Variants in MOSMO observed in about 807,000 individuals in gnomAD.
MOSMO encodes modulator of smoothened protein.
MOSMO carries 5 observed loss-of-function variants against 18.4 expected under a neutral mutation model. The ratio of observed to expected loss-of-function variants is 0.27; its 90% confidence interval spans 0.14 to 0.57. The LOEUF (loss-of-function observed/expected upper bound fraction) is 0.57. Ranked by LOEUF, MOSMO falls within the 20% of genes least tolerant of loss-of-function variation. The pLI is 0.92. For missense variants in MOSMO, 138 were observed against 211.8 expected (o/e 0.65, Z 2.16); for synonymous variants, 82 against 82.3 (o/e 1.00, Z 0.02).
At chr16:22,058,357 C>A (rs751537635) in intron 1 of MOSMO, among the ~76,000 whole-genome samples, 1 of 145,676 alleles carries the variant, frequency 6.9e-6, no homozygotes, top group African/African-American at 2.5e-5. Flanking sequence ...ATCCAGGAGG[C>A]GGAGGTTGCA....
At chr16:22,058,383 G>A (rs958579321) in intron 1 of MOSMO, among the ~76,000 whole-genome samples, 1 of 147,710 alleles carries the variant, frequency 6.8e-6, no homozygotes, top group Admixed American at 6.9e-5. Flanking sequence ...CCGAGATCGC[G>A]CCACTGCTCT....
Position 22,057,679 on chromosome 16 carries a change from T to C in MOSMO, c.107-17808T>C, listed in dbSNP as rs146547033. On this transcript the variant is annotated intron_variant, in intron 1 of 2. Coordinates refer to ENST00000542527, the MANE Select transcript of MOSMO (RefSeq NM_001164579.2). ...ATACTGGCCATATAGAGAACTTATC[T>C]AGCAGTTAACAGACAACAAAAAAAT... Among the ~76,000 whole-genome samples the C allele has an allele frequency of 1.5e-3, 227 of 152,328 alleles. 1 individual carries two copies. Among genetic ancestry groups the C allele is most frequent in the African/African-American group, 5.3e-3 (221 of 41,564 alleles).
intron 1 of MOSMO, among the ~76,000 whole-genome samples, chr16:22,042,760 C>T (rs796992481): frequency 1.3e-4 from 20 of 152,306 alleles, no homozygotes; most frequent in African/African-American, 4.6e-4. Context: ...TCTCCAGGCT[C>T]GCAAAAACGG....
At chr16:22,090,349 T>G (rs1030229647), downstream of MOSMO, 1 of 152,176 alleles carries the variant, frequency 6.6e-6, no homozygotes, top group African/African-American at 2.4e-5. Flanking sequence ...TTTAAGCAAA[T>G]AAATTCTTTT....
In MOSMO at chr16:22,081,443, T is replaced by G. The variant is rs1035643787; in HGVS notation, c.*563T>G. On this transcript the variant is annotated 3_prime_UTR_variant, in exon 3 of 3. Coordinates refer to ENST00000542527, the MANE Select transcript of MOSMO (RefSeq NM_001164579.2). ...CACCAAGAAGCCAATAGATCAAAAC[T>G]TGTTTGCTAAAATGTATGTAAAAAT... The G allele has an allele frequency of 6.0e-5, 9 of 149,546 alleles. No homozygotes were observed. The highest frequency in any genetic ancestry group is 2.0e-4 in the African/African-American group (8 of 40,518). 9.3% of individuals were successfully genotyped at this position (149,546 alleles called of 1,614,324 possible). A position where few individuals can be genotyped will look rare whatever the true frequency, so the allele number is the denominator to read the frequency against.
At chr16:22,018,017 C>T (rs1418627733) in intron 1 of MOSMO, among the ~76,000 whole-genome samples, 1 of 152,000 alleles carries the variant, frequency 6.6e-6, no homozygotes, top group African/African-American at 2.4e-5. Flanking sequence ...TTGAAGCAAA[C>T]TGACAAATCT....
intron 1 of MOSMO, among the ~76,000 whole-genome samples, chr16:22,054,070 A>G (rs549472170): frequency 2.0e-5 from 3 of 150,792 alleles, no homozygotes; most frequent in Admixed American, 1.3e-4. Context: ...GCCAAACCAT[A>G]TAAGAAATAA....
chr16:22,034,751 T>G (rs1291919412), intron 1 of MOSMO, among the ~76,000 whole-genome samples: 2 of 138,414 alleles, frequency 1.4e-5, no homozygotes, highest in African/African-American at 5.4e-5. Context: ...TGGGTTTTTT[T>G]TTTTTTTTTT....
intron 1 of MOSMO, among the ~76,000 whole-genome samples, chr16:22,008,709 G>A (rs1899448185): frequency 6.7e-6 from 1 of 149,616 alleles, no homozygotes; most frequent in Non-Finnish European, 1.5e-5. Context: ...GCCCTCCGAT[G>A]TGAGGGATCG....
At chr16:22,069,305 G>T (rs926627917) in intron 1 of MOSMO, among the ~76,000 whole-genome samples, 5 of 152,074 alleles carry the variant, frequency 3.3e-5, no homozygotes, top group Admixed American at 2.6e-4. Context: ...ATATGAATTA[G>T]GAATTAATCT....
At chr16:22,088,247 G>A (rs1043429918), downstream of MOSMO, among the ~76,000 whole-genome samples, 1 of 152,066 alleles carries the variant, frequency 6.6e-6, no homozygotes, top group African/African-American at 2.4e-5. Context: ...GACCAGGGTC[G>A]TCTCCCAGTC....
chr16:22,051,577 TC>T (rs1331478875), intron 1 of MOSMO, among the ~76,000 whole-genome samples: 2 of 152,044 alleles, frequency 1.3e-5, no homozygotes, highest in Non-Finnish European at 2.9e-5. Context: ...CCATGCCCCT[TC>T]CCCCATACCT....
intron 1 of MOSMO, among the ~76,000 whole-genome samples, chr16:22,033,063 C>CA (rs1210606226): frequency 5.3e-5 from 8 of 152,168 alleles, no homozygotes; most frequent in Non-Finnish European, 1.2e-4. Flanking sequence ...ACCAGTGCTA[C>CA]ATTATCTTGA....
At position 22,028,369 on chromosome 16, in the gene MOSMO, T is replaced by TG. The variant is rs58661549; in HGVS notation, c.106+19962_106+19963insG. ...TTGAAAAGAGAGGATCTTTTTTATGTTTTTTTTTTTTAATTTTGATAAAAT... is the reference window on the plus strand; with the variant it reads ...TTGAAAAGAGAGGATCTTTTTTATGTGTTTTTTTTTTTAATTTTGATAAAAT... On this transcript the variant is annotated intron_variant, in intron 1 of 2. Coordinates refer to ENST00000542527, the MANE Select transcript of MOSMO (RefSeq NM_001164579.2). Among the ~76,000 whole-genome samples the TG allele has an allele frequency of 0.022, 891 of 40,170 alleles. 9 individuals are homozygous for TG. The African/African-American group carries it at 0.32, about 15-fold the overall frequency. The allele number at this position is 40,170 out of a possible 152,430, so 26.4% of individuals were successfully genotyped here. A position where few individuals can be genotyped will look rare whatever the true frequency, so the allele number is the denominator to read the frequency against.
At chr16:22,091,572 G>A (rs544476419), downstream of MOSMO, among the ~76,000 whole-genome samples, 1 of 151,922 alleles carries the variant, frequency 6.6e-6, no homozygotes, top group Admixed American at 6.6e-5. Flanking sequence ...TTTTATTTTT[G>A]TAGAGACAGA....
chr16:22,034,958 T>G (rs996217652), intron 1 of MOSMO, among the ~76,000 whole-genome samples: 2 of 152,014 alleles, frequency 1.3e-5, no homozygotes, highest in African/African-American at 4.8e-5. Context: ...GGTCTCAAAC[T>G]CCTGGCCTCA....
chr16:22,046,908 A>G (rs1346264041), intron 1 of MOSMO, among the ~76,000 whole-genome samples: 1 of 152,158 alleles, frequency 6.6e-6, no homozygotes, highest in Non-Finnish European at 1.5e-5. Flanking sequence ...GTGAGTAGGC[A>G]TATTTGCAAG....
chr16:22,051,212 C>T (rs1900418272), intron 1 of MOSMO, among the ~76,000 whole-genome samples: 2 of 151,912 alleles, frequency 1.3e-5, no homozygotes, highest in Non-Finnish European at 2.9e-5. Flanking sequence ...CATGTTGAAA[C>T]CCCATCTCTA....
chr16:22,077,819 G>A (rs967419449), intron 2 of MOSMO, among the ~76,000 whole-genome samples: 7 of 151,994 alleles, frequency 4.6e-5, no homozygotes, highest in African/African-American at 1.7e-4. Context: ...TGAGGATAAG[G>A]GCTGCCTTGC....
Sources: allele counts gnomAD v4.1 joint callset (sites outside exome capture counted in the v4.1 genomes callset), GRCh38; gene constraint gnomAD v4.1.1; transcripts MANE v1.5; gene names NCBI Gene and HGNC (gene_info 2026-07-23, HGNC 2026-07-21).